Variants in NEK7 observed in about 807,000 individuals in gnomAD.
The protein encoded by NEK7 is NIMA related kinase 7.
In NEK7, 18 loss-of-function variants were observed where a neutral mutation model predicts 44.6. The ratio of observed to expected loss-of-function variants is 0.40; its 90% CI spans 0.28 to 0.60. The LOEUF (loss-of-function observed/expected upper bound fraction) is 0.60, where lower values mean the gene tolerates loss of function less well. NEK7 is among the 20% of genes least tolerant of loss of function. The probability of loss-of-function intolerance (pLI) is 0.38; values close to 1 mark genes in which losing one functional copy is unlikely to be tolerated. For synonymous variants in NEK7, 130 were observed against 121.1 expected (o/e 1.07, Z -0.48); for missense variants, 256 against 366.5 (o/e 0.70, Z 2.46).
At chr1:198,276,359 C>A (rs569549000) in intron 5 of NEK7, among the ~76,000 whole-genome samples, 1 of 151,682 alleles carries the variant, frequency 6.6e-6, no homozygotes, top group South Asian at 2.1e-4. Context: ...TGAAAAGAAA[C>A]CTGGTCCCCA....
At chr1:198,301,411 G>A (rs1189358200) in intron 9 of NEK7, among the ~76,000 whole-genome samples, 9 of 152,308 alleles carry the variant, frequency 5.9e-5, no homozygotes, top group East Asian at 3.9e-4. Flanking sequence ...TTAGCCGGGC[G>A]TGGTGGCGGG....
chr1:198,216,477 A>T (rs1356868743), intron 1 of NEK7, among the ~76,000 whole-genome samples: 1 of 152,082 alleles, frequency 6.6e-6, no homozygotes, highest in Non-Finnish European at 1.5e-5. Context: ...TATATCAAAA[A>T]GTCTGAAAGA....
At chr1:198,181,131 T>C (rs897305700) in intron 1 of NEK7, among the ~76,000 whole-genome samples, 5 of 152,106 alleles carry the variant, frequency 3.3e-5, no homozygotes, top group African/African-American at 1.2e-4. Context: ...CTTTAAATAG[T>C]TCAGAAAAAC....
chr1:198,170,173 C>T (rs75623796), intron 1 of NEK7, among the ~76,000 whole-genome samples: 1 of 152,230 alleles, frequency 6.6e-6, no homozygotes, highest in Non-Finnish European at 1.5e-5. Context: ...GTCTGAGATG[C>T]TTGGTTTTGT....
chr1:198,206,410 T>C (rs947956056), intron 1 of NEK7, among the ~76,000 whole-genome samples: 17 of 152,150 alleles, frequency 1.1e-4, no homozygotes, highest in African/African-American at 4.1e-4. Flanking sequence ...TTTAGAACTG[T>C]TAACGTATCA....
Position 198,277,959 on chromosome 1 carries a change from A to G in NEK7, c.373-2A>G. The G allele has an allele frequency of 6.4e-7, 1 of 1,573,674 alleles. No homozygotes were observed. The highest frequency in any genetic ancestry group is 1.4e-5 in the African/African-American group (1 of 73,774). On this transcript the variant is annotated splice_acceptor_variant, in intron 5 of 9. Transcript: ENST00000367385. LOFTEE classifies it high-confidence loss of function. ...TAGTTCTTATTTTTAATTTTCAAAAAGCATTTTAAGAAGCAAAAGAGGCTA... is the reference window on the plus strand; with the variant it reads ...TAGTTCTTATTTTTAATTTTCAAAAGGCATTTTAAGAAGCAAAAGAGGCTA...
At chr1:198,279,099 G>GT (rs766194175) in intron 7 of NEK7, 38 bp downstream of exon 7, 1 of 1,219,460 alleles carries the variant, frequency 8.2e-7, no homozygotes, top group Admixed American at 1.7e-5. Flanking sequence ...GTTACTTTGT[G>GT]TATGTGTGAT....
At position 198,232,610 on chromosome 1, in the gene NEK7, G is replaced by T. The variant is rs781671126; in HGVS notation, c.30G>T (p.Gly10=). MDEQSQGMQ[G]PPVPQFQPQK... ...ATGAGCAATCACAAGGAATGCAAGG[G>T]CCACCTGTTCCTCAGTTCCAACCAC... Residue 10 remains glycine, a synonymous_variant, in exon 2 of 10, where the codon GGG becomes GGT. Transcript: ENST00000367385. 3.1e-6 allele frequency: 5 copies of T among 1,606,234 alleles called. No homozygotes were observed. The South Asian group carries it at 4.4e-5, about 14-fold the overall frequency.
intron 2 of NEK7, among the ~76,000 whole-genome samples, chr1:198,247,313 G>C (rs896853845): frequency 6.6e-6 from 1 of 151,674 alleles, no homozygotes; most frequent in Non-Finnish European, 1.5e-5. Flanking sequence ...AATATCTGTG[G>C]ATCATCATGT....
At position 198,157,091 on chromosome 1, in the gene NEK7, C is replaced by T. The variant is rs1663909966; in HGVS notation, c.-214C>T. 1.3e-5 allele frequency: 2 copies of T among 151,886 alleles called. No homozygotes were observed. Among genetic ancestry groups the T allele is most frequent in the Admixed American group, 6.6e-5 (1 of 15,250 alleles). 9.4% of individuals were successfully genotyped at this position (151,886 alleles called of 1,614,324 possible). A position where few individuals can be genotyped will look rare whatever the true frequency, so the allele number is the denominator to read the frequency against. On this transcript the variant is annotated 5_prime_UTR_variant, in exon 1 of 10. Transcript: ENST00000367385. The stretch of plus-strand genomic sequence containing the variant: ...CGCACTCCGGACGCGCCTCGCAGTG[C>T]GCAGGGTGGGTGCCCCGCGCCTGCA...
chr1:198,231,696 A>C (rs772761161), intron 1 of NEK7, among the ~76,000 whole-genome samples: 18 of 152,086 alleles, frequency 1.2e-4, no homozygotes, highest in Non-Finnish European at 2.1e-4. Flanking sequence ...GGAAGGTTTT[A>C]GAAAGACAAG....
chr1:198,255,174 T>C (rs1000883521), intron 3 of NEK7, among the ~76,000 whole-genome samples: 7 of 152,162 alleles, frequency 4.6e-5, no homozygotes, highest in Non-Finnish European at 1.0e-4. Flanking sequence ...GTGGTGAGCA[T>C]TGGAGCCAGA....
intron 1 of NEK7, among the ~76,000 whole-genome samples, chr1:198,190,766 A>G (rs1017165219): frequency 7.2e-5 from 11 of 152,016 alleles, no homozygotes; most frequent in African/African-American, 9.7e-5. Context: ...TTATTAGGAG[A>G]GTGGCCCTGA....
chr1:198,283,111 G>C (rs192596420), intron 7 of NEK7, among the ~76,000 whole-genome samples: 1 of 152,244 alleles, frequency 6.6e-6, no homozygotes, highest in East Asian at 1.9e-4. Context: ...GTGGATACAG[G>C]ATAAGCTCTG....
chr1:198,297,109 A>G lies in NEK7; in HGVS notation c.685-18A>G, dbSNP rs116732910. The G allele has an allele frequency of 8.6e-4, 1,300 of 1,517,234 alleles. 12 individuals are homozygous for G. In the African/African-American group the frequency reaches 0.016, roughly 19 times the overall value. The allele number at this position is 1,517,234 out of a possible 1,614,324, so 94.0% of individuals were successfully genotyped here. On this transcript the variant is annotated intron_variant, in intron 8 of 9. Transcript: ENST00000367385. ...GTTACCATCTAACTATATCAGTTTC[A>G]TTGGGGGCATTTTACAGATGGCTGC...
intron 5 of NEK7, among the ~76,000 whole-genome samples, chr1:198,264,604 C>T (rs1300676777): frequency 7.6e-6 from 1 of 130,986 alleles, no homozygotes; most frequent in Non-Finnish European, 1.6e-5. Context: ...GCAGCTTGAC[C>T]TGTTTCTTGG....
At chr1:198,248,756 A>G (rs1666904578) in intron 2 of NEK7, among the ~76,000 whole-genome samples, 1 of 152,160 alleles carries the variant, frequency 6.6e-6, no homozygotes, top group African/African-American at 2.4e-5. Context: ...AGATCTTTTC[A>G]AAAGAAAAGA....
chr1:198,209,857 C>T (rs1665712762), intron 1 of NEK7, among the ~76,000 whole-genome samples: 2 of 152,086 alleles, frequency 1.3e-5, no homozygotes, highest in African/African-American at 4.8e-5. Flanking sequence ...CTCTCTGTCA[C>T]CCAGGTTGGA....
chr1:198,312,531 AG>A (rs1283063895), intron 9 of NEK7, among the ~76,000 whole-genome samples: 1 of 150,600 alleles, frequency 6.6e-6, no homozygotes, highest in Non-Finnish European at 1.5e-5. Flanking sequence ...TTGTGATGTT[AG>A]GGTGTCAGTT....
Sources: gnomAD v4.1 joint callset for allele counts (sites outside exome capture counted in the v4.1 genomes callset) on GRCh38, gnomAD v4.1.1 for gene constraint, MANE v1.5 for transcripts, NCBI Gene and HGNC (gene_info 2026-07-23, HGNC 2026-07-21) for gene names.